Variants in PCDHGB3 observed in about 807,000 individuals in gnomAD.
PCDHGB3 encodes protocadherin gamma-B3.
PCDHGB3 carries 40 observed loss-of-function variants against 59.2 expected under a neutral mutation model. The observed-to-expected ratio is 0.68, with a 90% CI of 0.52 to 0.88. The LOEUF is 0.88. PCDHGB3 is among the 40% of genes least tolerant of loss of function. PCDHGB3 has a pLI of 0.00. For synonymous variants in PCDHGB3, 581 were observed against 503.6 expected (o/e 1.15, Z -2.06); for missense variants, 1,309 against 1,187.9 (o/e 1.10, Z -1.50).
chr5:141,430,480 A>G (rs2097288752), intron 1 of PCDHGB3: 1 of 256,116 alleles, frequency 3.9e-6, no homozygotes, highest in Admixed American at 5.4e-5. Context: ...TTAAGATATA[A>G]AAACGAAATA....
At position 141,431,684 on chromosome 5, in the gene PCDHGB3, C is replaced by A. The variant is rs1017231854; in HGVS notation, c.2415+58875C>A. On this transcript the variant is annotated intron_variant, in intron 1 of 3. Transcript: ENST00000576222. This position sits in a 1 kb window ranked among gnomAD's most constrained non-coding sequence, Gnocchi z 4.8. Reference sequence around the variant, plus strand: ...AATATCAACAATAGGGGAGTTGGACCACGAGGAGTCAGGATTCTACCAGAT... The same window carrying A: ...AATATCAACAATAGGGGAGTTGGACAACGAGGAGTCAGGATTCTACCAGAT... The A allele has an allele frequency of 1.9e-6, 3 of 1,614,186 alleles. No homozygotes were observed. Among genetic ancestry groups the A allele is most frequent in the Admixed American group, 1.7e-5 (1 of 60,032 alleles).
chr5:141,456,103 T>C lies in PCDHGB3; in HGVS notation c.2416-38704T>C, dbSNP rs185224428. Among the ~76,000 whole-genome samples the C allele has an allele frequency of 2.6e-3, 390 of 152,142 alleles. 3 individuals are homozygous for C. The highest frequency in any genetic ancestry group is 6.7e-3 in the Admixed American group (103 of 15,290). On this transcript the variant is annotated intron_variant, in intron 1 of 3. Coordinates refer to ENST00000576222, the MANE Select transcript of PCDHGB3 (RefSeq NM_018924.5). The stretch of plus-strand genomic sequence containing the variant: ...CAGTAGAGACGGGATTTCACCGTGT[T>C]AGCCAGGATGGTCTCCATCTCCTGA...
At chr5:141,469,012 C>T (rs1196140759) in intron 1 of PCDHGB3, among the ~76,000 whole-genome samples, 1 of 151,852 alleles carries the variant, frequency 6.6e-6, no homozygotes, top group Non-Finnish European at 1.5e-5. Flanking sequence ...TGCGGTGGGT[C>T]ACTCCTGTAA....
chr5:141,372,366 G>A lies in PCDHGB3; in HGVS notation c.1972G>A (p.Val658Ile), dbSNP rs867619570. ...AGGACAGCAGCCTCTTTCAGCCACC[G>A]TCATGCTGCACCTAATCTTCGCAGA... ...DGGQQPLSATVMLHLIFADSL... is the reference protein window; with the variant it reads ...DGGQQPLSATIMLHLIFADSL... The change falls in exon 1 of 4, where the codon GTC becomes ATC. Residue 658 changes from valine (V) to isoleucine (I), a missense_variant. By Grantham distance (29) the Val-to-Ile change is conservative. Coordinates refer to ENST00000576222, the MANE Select transcript of PCDHGB3 (RefSeq NM_018924.5). The A allele has an allele frequency of 3.7e-6, 6 of 1,613,832 alleles. No homozygotes were observed. In the African/African-American group the frequency reaches 6.7e-5, roughly 18 times the overall value.
chr5:141,399,999 A>G (rs1589395014), intron 1 of PCDHGB3: 1 of 1,612,302 alleles, frequency 6.2e-7, no homozygotes. Flanking sequence ...AGGTGCGCAC[A>G]GCGCGTGCCT....
At chr5:141,404,773 C>T (rs753809742) in intron 1 of PCDHGB3, 1 of 1,613,856 alleles carries the variant, frequency 6.2e-7, no homozygotes, top group South Asian at 1.1e-5. Flanking sequence ...TCTCCTACCG[C>T]CTATTCAAGG....
Position 141,490,252 on chromosome 5 carries a change from G to A in PCDHGB3, c.2416-4555G>A, listed in dbSNP as rs150107963. The A allele has an allele frequency of 1.9e-6, 3 of 1,614,252 alleles. No homozygotes were observed. Among genetic ancestry groups the A allele is most frequent in the Non-Finnish European group, 1.7e-6 (2 of 1,180,046 alleles). The stretch of plus-strand genomic sequence containing the variant: ...CATGGAGGGCCACTGTGTGATTCAA[G>A]TGGATGTGGGGGATGTCAATGACAA... On this transcript the variant is annotated intron_variant, in intron 1 of 3. Coordinates refer to ENST00000576222, the MANE Select transcript of PCDHGB3 (RefSeq NM_018924.5). This position sits in a 1 kb window ranked among gnomAD's most constrained non-coding sequence, Gnocchi z 5.4.
intron 1 of PCDHGB3, chr5:141,374,257 G>A (rs1770316361): frequency 6.8e-6 from 11 of 1,614,042 alleles, no homozygotes; most frequent in Non-Finnish European, 7.6e-6. Context: ...AGCCCCAGGA[G>A]TTGGCGGAGC....
Position 141,489,090 on chromosome 5 carries a change from C to CCAA in PCDHGB3, c.2416-5717_2416-5716insCAA, listed in dbSNP as rs2099682444. 1 of 328,824 alleles carries CCAA rather than the reference C, an allele frequency of 3.0e-6. No individual in the cohort carries two copies. Among genetic ancestry groups the CCAA allele is most frequent in the Admixed American group, 6.1e-5 (1 of 16,500 alleles). The allele number at this position is 328,824 out of a possible 1,614,324, so 20.4% of individuals were successfully genotyped here. ...CCTGCCCACCCCCGCCACTCGGTGA[C>CCAA]TAAGAACTGCTGCAAGCAGGCAAAC... On this transcript the variant is annotated intron_variant, in intron 1 of 3. Transcript: ENST00000576222. This position sits in a 1 kb window ranked among gnomAD's most constrained non-coding sequence, Gnocchi z 4.5.
rs1452714844 is a variant in PCDHGB3, at chr5:141,389,265, G to A, written c.2415+16456G>A. ...GTCTTCCTATATAGTCCACGTGGCC[G>A]AGAACAACCCGCCTGGAGCCTCTAT... On this transcript the variant is annotated intron_variant, in intron 1 of 3. Transcript: ENST00000576222. 3.7e-6 allele frequency: 6 copies of A among 1,613,886 alleles called. No homozygotes were observed. The highest frequency in any genetic ancestry group is 4.5e-5 in the East Asian group (2 of 44,886).
chr5:141,399,867 C>T (rs766258677), intron 1 of PCDHGB3: 17 of 1,612,738 alleles, frequency 1.1e-5, no homozygotes, highest in South Asian at 3.3e-5. Context: ...CTGCAGAGCC[C>T]GGCTACCTGG....
intron 1 of PCDHGB3, among the ~76,000 whole-genome samples, chr5:141,459,949 G>T (rs1284876601): frequency 2.0e-5 from 3 of 152,124 alleles, no homozygotes; most frequent in Non-Finnish European, 4.4e-5. Context: ...GTGATGGCAG[G>T]TGCCTGTAAT....
rs1374094845 is a variant in PCDHGB3, at chr5:141,476,576, T to A, written c.2416-18231T>A. On this transcript the variant is annotated intron_variant, in intron 1 of 3. Coordinates refer to ENST00000576222, the MANE Select transcript of PCDHGB3 (RefSeq NM_018924.5). The surrounding 1 kb of genome is among the most constrained non-coding windows in gnomAD (Gnocchi z 7.6). Reference sequence around the variant, plus strand: ...CGAGGCCGTGGCTCCGGGGACGCGCTTTCCGCTCGAGAGCGCGCACGATCC... The same window carrying A: ...CGAGGCCGTGGCTCCGGGGACGCGCATTCCGCTCGAGAGCGCGCACGATCC... 3 of 1,614,102 alleles carry A rather than the reference T, an allele frequency of 1.9e-6. No individual in the cohort carries two copies. Among genetic ancestry groups the A allele is most frequent in the Middle Eastern group, 1.6e-4 (1 of 6,084 alleles).
rs564197257 is a variant in PCDHGB3, at chr5:141,458,715, A to G, written c.2416-36092A>G. On this transcript the variant is annotated intron_variant, in intron 1 of 3. Coordinates refer to ENST00000576222, the MANE Select transcript of PCDHGB3 (RefSeq NM_018924.5). ...CTCCCGAGTAGCTGGGATTACAGGT[A>G]TTCGCCACCACATCCAGCTATTGGT... Among the ~76,000 whole-genome samples the G allele has an allele frequency of 3.9e-5, 6 of 152,082 alleles. No homozygotes were observed. The East Asian group carries it at 9.7e-4, about 25-fold the overall frequency.
chr5:141,454,796 A>ATTTTTCT (rs2098799790), intron 1 of PCDHGB3, among the ~76,000 whole-genome samples: 1 of 77,408 alleles, frequency 1.3e-5, no homozygotes, highest in African/African-American at 5.9e-5. Context: ...CATGGTTCTA[A>ATTTTTCT]TTTTTTTTTT....
chr5:141,400,580 C>T (rs756569671), intron 1 of PCDHGB3: 2 of 1,610,388 alleles, frequency 1.2e-6, no homozygotes, highest in South Asian at 2.2e-5. Context: ...TCTGTATTTA[C>T]ATGAAACTAT....
intron 1 of PCDHGB3, chr5:141,389,406 G>A (rs1235613335): frequency 1.9e-6 from 3 of 1,613,632 alleles, no homozygotes; most frequent in South Asian, 2.2e-5. Flanking sequence ...CATAAGCGCG[G>A]AGAGCGGGGT....
In PCDHGB3 at chr5:141,431,940, T is replaced by G; in HGVS notation, c.2415+59131T>G. ...ATCCAAGGAAATCTGCCCTTTAAAT[T>G]AGAAAAATCTTACGGAAATTACTAT... On this transcript the variant is annotated intron_variant, in intron 1 of 3. Coordinates refer to ENST00000576222, the MANE Select transcript of PCDHGB3 (RefSeq NM_018924.5). The surrounding 1 kb of genome is among the most constrained non-coding windows in gnomAD (Gnocchi z 4.8). 2 of 1,614,132 alleles carry G rather than the reference T, an allele frequency of 1.2e-6. No homozygotes were observed. Among genetic ancestry groups the G allele is most frequent in the Non-Finnish European group, 1.7e-6 (2 of 1,179,998 alleles).
chr5:141,400,501 G>A lies in PCDHGB3; in HGVS notation c.2415+27692G>A, dbSNP rs574905149. 3.4e-5 allele frequency: 55 copies of A among 1,613,996 alleles called. 1 individual carries two copies. The East Asian group carries it at 1.1e-3, about 33-fold the overall frequency. On this transcript the variant is annotated intron_variant, in intron 1 of 3. Coordinates refer to ENST00000576222, the MANE Select transcript of PCDHGB3 (RefSeq NM_018924.5). ...CTTATTTCCACTTTGTAATTCCAGC[G>A]AGTCGACTTCCCATCCTGAGTTGGT... is the stretch of plus-strand genomic sequence containing the variant.
Sources: gnomAD v4.1 joint callset for allele counts (sites outside exome capture counted in the v4.1 genomes callset) on GRCh38, gnomAD v4.1.1 for gene constraint, Gnocchi (gnomAD v3.1) non-coding constraint, MANE v1.5 for transcripts, NCBI Gene and HGNC (gene_info 2026-07-23, HGNC 2026-07-21) for gene names.